Variants in WDR17 observed in about 807,000 individuals in gnomAD.
WDR17 encodes WD repeat domain 17, also known as WD repeat-containing protein 17.
WDR17 carries 143 observed loss-of-function variants against 161.7 expected under a neutral mutation model. The ratio of observed to expected loss-of-function variants is 0.88; its 90% CI spans 0.77 to 1.02. The LOEUF is 1.02. Among genes scored for constraint, WDR17 ranks in the 50% least tolerant of loss-of-function variants. WDR17 has a pLI of 0.00. For synonymous variants in WDR17, 517 were observed against 515.6 expected, an observed-to-expected ratio of 1.00 and a Z score of -0.04; for missense variants, 1,469 against 1,520.9, an observed-to-expected ratio of 0.97 and a Z score of 0.57.
intron 1 of WDR17, among the ~76,000 whole-genome samples, chr4:176,093,380 AG>A (rs1933001816): frequency 6.6e-6 from 1 of 152,128 alleles, no homozygotes; most frequent in Admixed American, 6.6e-5. Context: ...AGTAGCCAAA[AG>A]TCATCTTGTG....
At chr4:176,078,716 T>C (rs1208427949) in intron 1 of WDR17, among the ~76,000 whole-genome samples, 1 of 152,146 alleles carries the variant, frequency 6.6e-6, no homozygotes, top group East Asian at 1.9e-4. Flanking sequence ...TATTTTGATC[T>C]TTGTCATGGG....
chr4:176,168,975 A>G (rs1397853010), intron 23 of WDR17, among the ~76,000 whole-genome samples, 192 bp downstream of exon 23: 4 of 152,212 alleles, frequency 2.6e-5, no homozygotes, highest in Non-Finnish European at 5.9e-5. Context: ...GCACTCTTCT[A>G]AATCTTTACA....
At chr4:176,160,293 T>C (rs1748837686) in intron 19 of WDR17, among the ~76,000 whole-genome samples, 167 bp downstream of exon 19, 1 of 152,184 alleles carries the variant, frequency 6.6e-6, no homozygotes, top group Non-Finnish European at 1.5e-5. Context: ...CATACTATTT[T>C]CTGGTCACAG....
chr4:176,152,595 C>CAAA (rs34451055), intron 17 of WDR17, among the ~76,000 whole-genome samples: 2 of 37,234 alleles, frequency 5.4e-5, no homozygotes, highest in African/African-American at 1.1e-4. Flanking sequence ...AACTCCATCT[C>CAAA]AAAAAAAAAA....
At chr4:176,164,761 A>G (rs2126860117) in intron 22 of WDR17, among the ~76,000 whole-genome samples, 1 of 152,304 alleles carries the variant, frequency 6.6e-6, no homozygotes. Flanking sequence ...TTTTACATAT[A>G]TCTTACAGTA....
chr4:176,071,910 G>C (rs1232539700), intron 1 of WDR17, among the ~76,000 whole-genome samples: 1 of 152,096 alleles, frequency 6.6e-6, no homozygotes, highest in Non-Finnish European at 1.5e-5. Flanking sequence ...TCGGTGTCTT[G>C]CTCTTTTGAT....
Position 176,157,433 on chromosome 4 carries a change from C to A in WDR17, c.2525+1290C>A, listed in dbSNP as rs115115577. ...TGGGAAAGTAGACTGTTCCCTAGCA[C>A]CTGCTCCCAACAGTAAGTTAAGCAA... On this transcript the variant is annotated intron_variant, in intron 18 of 28. Coordinates refer to ENST00000508596, the MANE Select transcript of WDR17 (RefSeq NM_181265.4). Among the ~76,000 whole-genome samples, 573 of 152,266 alleles carry A rather than the reference C, an allele frequency of 3.8e-3. 6 individuals are homozygous for A. The highest frequency in any genetic ancestry group is 0.013 in the African/African-American group (544 of 41,564).
At chr4:176,091,064 A>G (rs1161474828) in intron 1 of WDR17, among the ~76,000 whole-genome samples, 1 of 152,186 alleles carries the variant, frequency 6.6e-6, no homozygotes, top group African/African-American at 2.4e-5. Flanking sequence ...GGCCATCACA[A>G]GCATGTCACG....
intron 22 of WDR17, among the ~76,000 whole-genome samples, chr4:176,167,797 A>G (rs7697207): frequency 0.49 from 74,656 of 151,814 alleles, 19,017 homozygotes; most frequent in Admixed American, 0.61. Context: ...TTCTAAGTAC[A>G]TACCATTTTA....
rs535585436 is a variant in WDR17, at chr4:176,149,828, G to A, written c.1919G>A (p.Arg640His). The change falls in exon 14 of 29, where the codon CGC becomes CAC. Residue 640 changes from arginine (R) to histidine (H), a missense_variant. By Grantham distance (29) the Arg-to-His change is conservative (BLOSUM62 0). Transcript: ENST00000508596. ...DVYGLTCHPS[R>H]PFTMASCSRD... The stretch of plus-strand genomic sequence containing the variant: ...TCAGGTTTAACCTGCCATCCCAGTC[G>A]CCCCTTCACTATGGCCTCTTGCTCC... 4.3e-5 allele frequency: 69 copies of A among 1,612,792 alleles called. No homozygotes were observed. Among genetic ancestry groups the A allele is most frequent in the Middle Eastern group, 1.7e-4 (1 of 6,058 alleles).
chr4:176,120,291 TA>T (rs1741349768), intron 4 of WDR17, among the ~76,000 whole-genome samples, 194 bp downstream of exon 4: 6 of 11,174 alleles, frequency 5.4e-4, no homozygotes, highest in South Asian at 0.013. Context: ...TGAAGTTTTA[TA>T]TATATATATA....
At chr4:176,159,916 A>G in intron 18 of WDR17, 78 bp from the exon 19 acceptor site, 1 of 1,369,074 alleles carries the variant, frequency 7.3e-7, no homozygotes, top group Non-Finnish European at 9.7e-7. Context: ...AATTTTAGCC[A>G]TACTTTCAGA....
In WDR17 at chr4:176,163,022, TAC is replaced by T. The variant is rs1291965648; in HGVS notation, c.2851-130_2851-129del. On this transcript the variant is annotated intron_variant, in intron 21 of 28. Coordinates refer to ENST00000508596, the MANE Select transcript of WDR17 (RefSeq NM_181265.4). ...TTACATAGCTACTTTATAGGAATAT[TAC>T]AGTCAATATTTTATAAGAATAATTG... is the stretch of plus-strand genomic sequence containing the variant. 4 of 1,160,810 alleles carry T rather than the reference TAC, an allele frequency of 3.4e-6. No homozygotes were observed. The African/African-American group carries it at 4.7e-5, about 13-fold the overall frequency. The allele number at this position is 1,160,810 out of a possible 1,614,324, so 71.9% of individuals were successfully genotyped here.
intron 11 of WDR17, among the ~76,000 whole-genome samples, chr4:176,143,354 G>A (rs186055258): frequency 2.0e-5 from 3 of 152,130 alleles, no homozygotes; most frequent in African/African-American, 4.8e-5. Flanking sequence ...ACCAATTCCT[G>A]TAATTTTCTC....
intron 1 of WDR17, among the ~76,000 whole-genome samples, chr4:176,110,192 A>T (rs1019140186): frequency 1.7e-4 from 26 of 151,730 alleles, no homozygotes; most frequent in Admixed American, 6.6e-5. Context: ...CCCAGGCTGG[A>T]GTGCAGTGGT....
intron 1 of WDR17, chr4:176,068,246 A>G (rs1416849904): frequency 6.6e-6 from 1 of 152,220 alleles, no homozygotes; most frequent in African/African-American, 2.4e-5. Flanking sequence ...GAAGTCATGT[A>G]TCTTCCAGTA....
chr4:176,103,791 A>G (rs116075819), intron 1 of WDR17, among the ~76,000 whole-genome samples: 538 of 152,244 alleles, frequency 3.5e-3, no homozygotes, highest in African/African-American at 0.012. Context: ...AAGCCCACCA[A>G]TATGCACTCA....
chr4:176,138,076 C>G (rs1054289160), intron 9 of WDR17, among the ~76,000 whole-genome samples: 1 of 151,594 alleles, frequency 6.6e-6, no homozygotes, highest in South Asian at 2.1e-4. Context: ...AACCTGCTCT[C>G]TTGTATTTGT....
chr4:176,111,776 T>G, intron 2 of WDR17, 73 bp downstream of exon 2: 1 of 1,297,288 alleles, frequency 7.7e-7, no homozygotes. Context: ...ATATTTTAAG[T>G]CCTTGTTACA....
Sources: gnomAD v4.1 joint callset for allele counts (sites outside exome capture counted in the v4.1 genomes callset) on GRCh38, gnomAD v4.1.1 for gene constraint, MANE v1.5 for transcripts, NCBI Gene and HGNC (gene_info 2026-07-23, HGNC 2026-07-21) for gene names.